Variants in PTPN2 observed in about 807,000 individuals in gnomAD.
PTPN2 encodes tyrosine-protein phosphatase non-receptor type 2.
PTPN2 carries 19 observed loss-of-function variants against 57.3 expected under a neutral mutation model. The ratio of observed to expected loss-of-function variants is 0.33; its 90% CI spans 0.23 to 0.49. The LOEUF (loss-of-function observed/expected upper bound fraction) is 0.49, where lower values mean the gene tolerates loss of function less well. Among genes scored for constraint, PTPN2 ranks in the 20% least tolerant of loss-of-function variants. PTPN2 has a pLI of 0.99. For missense variants in PTPN2, 358 were observed against 501.1 expected (o/e 0.71, Z 2.73); for synonymous variants, 153 against 164.9 (o/e 0.93, Z 0.55).
chr18:12,880,280 G>A (rs565047351), intron 1 of PTPN2, among the ~76,000 whole-genome samples: 4 of 152,302 alleles, frequency 2.6e-5, no homozygotes, highest in Admixed American at 6.5e-5. Context: ...AAAAGAGGGA[G>A]GAAAGTGATA....
chr18:12,855,633 G>A (rs188309365), intron 2 of PTPN2, among the ~76,000 whole-genome samples: 27 of 152,214 alleles, frequency 1.8e-4, no homozygotes, highest in Admixed American at 1.4e-3. Flanking sequence ...TAATTTACTC[G>A]GTGCAGAGCT....
chr18:12,786,579 T>C (rs1430568410), intron 9 of PTPN2: 1 of 152,186 alleles, frequency 6.6e-6, no homozygotes, highest in Non-Finnish European at 1.5e-5. Context: ...CTCCCAAACT[T>C]TGCAAGTAAC....
At chr18:12,821,867 A>G (rs1451567485) in intron 5 of PTPN2, among the ~76,000 whole-genome samples, 2 of 152,210 alleles carry the variant, frequency 1.3e-5, no homozygotes, top group African/African-American at 4.8e-5. Context: ...AGGATGGTGG[A>G]AAGATTGCAT....
intron 5 of PTPN2, among the ~76,000 whole-genome samples, chr18:12,823,402 G>A (rs1198491273): frequency 6.6e-6 from 1 of 152,138 alleles, no homozygotes; most frequent in Non-Finnish European, 1.5e-5. Flanking sequence ...GGCCGGGCGT[G>A]TTGGCTCACA....
intron 1 of PTPN2, among the ~76,000 whole-genome samples, chr18:12,867,095 C>T (rs998199467): frequency 1.3e-5 from 2 of 150,734 alleles, no homozygotes; most frequent in Non-Finnish European, 2.9e-5. Context: ...GAGTTCAAGA[C>T]CAGCCTGGGC....
At chr18:12,817,391 G>A in intron 5 of PTPN2, 26 bp from the exon 6 acceptor site, 1 of 1,571,362 alleles carries the variant, frequency 6.4e-7, no homozygotes, top group Non-Finnish European at 8.7e-7. Context: ...CAAGGGAGAA[G>A]TTAGTTCTAA....
At chr18:12,840,821 C>T (rs1365062599) in intron 2 of PTPN2, 2 of 1,597,974 alleles carry the variant, frequency 1.3e-6, no homozygotes, top group Admixed American at 3.3e-5. Context: ...TTTCACGTTG[C>T]TCTCCACTCA....
chr18:12,873,179 C>T (rs1293496460), intron 1 of PTPN2, among the ~76,000 whole-genome samples: 2 of 151,742 alleles, frequency 1.3e-5, no homozygotes, highest in Admixed American at 1.3e-4. Flanking sequence ...CAAGATCGTG[C>T]CACTGCACTC....
chr18:12,819,646 T>C (rs1483182584), intron 5 of PTPN2, among the ~76,000 whole-genome samples: 3 of 150,732 alleles, frequency 2.0e-5, no homozygotes, highest in African/African-American at 7.3e-5. Flanking sequence ...AATCTTATTG[T>C]AGGTTAAAAA....
intron 4 of PTPN2, among the ~76,000 whole-genome samples, chr18:12,827,194 T>G (rs1047283800): frequency 6.6e-6 from 1 of 151,558 alleles, no homozygotes; most frequent in African/African-American, 2.4e-5. Flanking sequence ...ATACAACAAA[T>G]TAGCCGGGTG....
In PTPN2 at chr18:12,814,888, A is replaced by G. The variant is rs2042013987; in HGVS notation, c.706-533T>C. On this transcript the variant is annotated intron_variant, in intron 6 of 8. Coordinates refer to ENST00000309660, the MANE Select transcript of PTPN2 (RefSeq NM_002828.4). Reference sequence around the variant, plus strand: ...CACTTGAGGCCAGGAGCTAGAGACCAGCCTGGCCAACATCGCGAAATGCCA... The same window carrying G: ...CACTTGAGGCCAGGAGCTAGAGACCGGCCTGGCCAACATCGCGAAATGCCA... 2.0e-5 allele frequency among the ~76,000 whole-genome samples: 3 copies of G among 151,804 alleles called. No individual in the cohort carries two copies. In the South Asian group the frequency reaches 6.2e-4, roughly 32 times the overall value.
chr18:12,803,385 A>C (rs1296250162), intron 7 of PTPN2, among the ~76,000 whole-genome samples: 1 of 152,198 alleles, frequency 6.6e-6, no homozygotes, highest in Non-Finnish European at 1.5e-5. Flanking sequence ...GTAAGTCCTT[A>C]TCTATCAATA....
intron 5 of PTPN2, 42 bp downstream of exon 5, chr18:12,825,768 C>A (rs1481437336): frequency 1.3e-6 from 2 of 1,543,872 alleles, no homozygotes; most frequent in Non-Finnish European, 1.8e-6. Context: ...ATTCTTTAAA[C>A]CATCATATAA....
chr18:12,869,396 A>G (rs905386979), intron 1 of PTPN2, among the ~76,000 whole-genome samples: 1 of 152,190 alleles, frequency 6.6e-6, no homozygotes, highest in Non-Finnish European at 1.5e-5. Flanking sequence ...CCTGGTCTCA[A>G]GCAATCTGCC....
Position 12,819,323 on chromosome 18 carries a change from A to G in PTPN2, c.496-1958T>C, listed in dbSNP as rs1209094107. On this transcript the variant is annotated intron_variant, in intron 5 of 8. Coordinates refer to ENST00000309660, the MANE Select transcript of PTPN2 (RefSeq NM_002828.4). The stretch of plus-strand genomic sequence containing the variant: ...AATTTCTCCATTACAAATTAAAATG[A>G]TCATGGTTTCTACGCTTTAAGACAT... 1.0e-5 allele frequency: 10 copies of G among 957,862 alleles called. No homozygotes were observed. The Admixed American group carries it at 2.9e-4, about 28-fold the overall frequency. 59.3% of individuals were successfully genotyped at this position (957,862 alleles called of 1,614,324 possible). A position where few individuals can be genotyped will look rare whatever the true frequency, so the allele number is the denominator to read the frequency against.
chr18:12,840,116 A>G (rs887167838), intron 2 of PTPN2, among the ~76,000 whole-genome samples: 1 of 152,188 alleles, frequency 6.6e-6, no homozygotes, highest in South Asian at 2.1e-4. Flanking sequence ...CTTAACTTAC[A>G]AGTCAGGCAA....
chr18:12,809,802 T>C (rs927309242), intron 7 of PTPN2, among the ~76,000 whole-genome samples: 1 of 152,226 alleles, frequency 6.6e-6, no homozygotes, highest in African/African-American at 2.4e-5. Context: ...TTCAGATCTT[T>C]AAAAAATCTC....
Position 12,852,366 on chromosome 18 carries a change from A to G in PTPN2, c.160+6798T>C, listed in dbSNP as rs530931413. Among the ~76,000 whole-genome samples, 9 of 152,346 alleles carry G rather than the reference A, an allele frequency of 5.9e-5. No homozygotes were observed. In the East Asian group the frequency reaches 1.3e-3, roughly 23 times the overall value. On this transcript the variant is annotated intron_variant, in intron 2 of 8. Transcript: ENST00000309660. ...TCAAAATTTGGTGGTAGTCTCTAAT[A>G]GTATAAAGACGTTTCCCAAAGTAAC...
intron 2 of PTPN2, among the ~76,000 whole-genome samples, chr18:12,843,463 A>G (rs1335567659): frequency 6.6e-6 from 1 of 152,154 alleles, no homozygotes; most frequent in Non-Finnish European, 1.5e-5. Flanking sequence ...CCCAATCCCG[A>G]GTACAGCTGA....
Sources: allele counts gnomAD v4.1 joint callset (sites outside exome capture counted in the v4.1 genomes callset), GRCh38; gene constraint gnomAD v4.1.1; transcripts MANE v1.5; gene names NCBI Gene and HGNC (gene_info 2026-07-23, HGNC 2026-07-21).